UNC80: variants seen among roughly 807,000 people sequenced by gnomAD.
UNC80 encodes protein unc-80 homolog.
A neutral mutation model predicts 384.6 loss-of-function variants in UNC80; 164 were observed. The observed-to-expected ratio is 0.43, with a 90% CI of 0.38 to 0.49. UNC80 has a LOEUF of 0.49. UNC80 is among the 20% of genes least tolerant of loss of function. The probability of loss-of-function intolerance (pLI) is 0.00; values close to 1 mark genes in which losing one functional copy is unlikely to be tolerated. For missense variants in UNC80, 3,330 were observed against 4,143.0 expected, an observed-to-expected ratio of 0.80 and a Z score of 5.39; for synonymous variants, 1,486 against 1,527.8, an observed-to-expected ratio of 0.97 and a Z score of 0.64.
intron 31 of UNC80, among the ~76,000 whole-genome samples, chr2:209,916,388 G>T (rs2089538772): frequency 6.6e-6 from 1 of 152,164 alleles, no homozygotes; most frequent in Non-Finnish European, 1.5e-5. Context: ...ATTAAAAACT[G>T]AAAGGAAACA....
At position 209,904,811 on chromosome 2, in the gene UNC80, T is replaced by G; in HGVS notation, c.4628T>G (p.Val1543Gly). Residue 1543 changes from valine (V) to glycine (G), a missense_variant, in exon 29 of 65, where the codon GTT becomes GGT. Around this residue, in one of 8 missense-constraint regions of UNC80, gnomAD observed 801 missense variants for 950.8 expected, o/e 0.84. Coordinates refer to ENST00000673920, the MANE Select transcript of UNC80 (RefSeq NM_001371986.1). Reference sequence around the variant, plus strand: ...CAGCAGAGTTTCATCTGCACTCACGTTGACTACTGCCATCCCCACTGCTAC... The same window carrying G: ...CAGCAGAGTTTCATCTGCACTCACGGTGACTACTGCCATCCCCACTGCTAC... ...CNQQSFICTH[V>G]DYCHPHCYLH... The G allele has an allele frequency of 6.4e-7, 1 of 1,551,976 alleles. No individual in the cohort carries two copies. The highest frequency in any genetic ancestry group is 8.7e-7 in the Non-Finnish European group (1 of 1,147,062).
intron 43 of UNC80, among the ~76,000 whole-genome samples, 163 bp from the exon 44 acceptor site, chr2:209,941,058 A>G (rs1310926725): frequency 2.0e-5 from 3 of 152,222 alleles, no homozygotes; most frequent in Non-Finnish European, 4.4e-5. Flanking sequence ...GAAGTGCTGT[A>G]TCAAGGCCAG....
At chr2:209,851,406 C>T (rs746101903) in intron 22 of UNC80, among the ~76,000 whole-genome samples, 5 of 151,948 alleles carry the variant, frequency 3.3e-5, no homozygotes, top group Admixed American at 6.6e-5. Flanking sequence ...TGTATATAAT[C>T]GGGGAGGGAG....
At chr2:209,952,419 A>G (rs1023891881) in intron 47 of UNC80, among the ~76,000 whole-genome samples, 8 of 152,246 alleles carry the variant, frequency 5.3e-5, no homozygotes, top group Non-Finnish European at 1.2e-4. Flanking sequence ...TGTTCTATTT[A>G]TTTCACACTG....
At chr2:209,787,192 G>A (rs73074801) in intron 5 of UNC80, among the ~76,000 whole-genome samples, 21,956 of 150,182 alleles carry the variant, frequency 0.15, 2,415 homozygotes, top group African/African-American at 0.31. Context: ...AGAAGAAAAA[G>A]CAATGGCACA....
chr2:209,808,829 A>G, intron 7 of UNC80: 2 of 53,900 alleles, frequency 3.7e-5, no homozygotes, highest in Non-Finnish European at 3.3e-5. Context: ...CTCGTCAGGA[A>G]GCTCCCTGAC....
chr2:209,984,696 C>G (rs2093243850), intron 60 of UNC80, among the ~76,000 whole-genome samples, 160 bp from the exon 61 acceptor site: 1 of 152,192 alleles, frequency 6.6e-6, no homozygotes, highest in Non-Finnish European at 1.5e-5. Context: ...ACAAACCCAG[C>G]ACAAGGTGAA....
chr2:209,805,008 C>T (rs2153826588), intron 7 of UNC80, among the ~76,000 whole-genome samples: 1 of 152,236 alleles, frequency 6.6e-6, no homozygotes, highest in African/African-American at 2.4e-5. Context: ...GAAGCCATTT[C>T]TTAATTTTAG....
At chr2:209,871,730 T>A (rs1197536897) in intron 22 of UNC80, among the ~76,000 whole-genome samples, 1 of 152,074 alleles carries the variant, frequency 6.6e-6, no homozygotes, top group African/African-American at 2.4e-5. Flanking sequence ...TTAACTTTTT[T>A]TAAAAAATCT....
intron 14 of UNC80, among the ~76,000 whole-genome samples, chr2:209,827,896 T>C (rs567637962): frequency 1.3e-5 from 2 of 152,204 alleles, no homozygotes; most frequent in Non-Finnish European, 2.9e-5. Context: ...AGAGTATTAA[T>C]CTAATCATTA....
At position 209,922,411 on chromosome 2, in the gene UNC80, C is replaced by G. The variant is rs1207041702; in HGVS notation, c.5662+28C>G. On this transcript the variant is annotated intron_variant, in intron 35 of 64. Coordinates refer to ENST00000673920, the MANE Select transcript of UNC80 (RefSeq NM_001371986.1). ...GTGTCCTCTTGCATACGTTTTATTT[C>G]TCCTGACTTATGTGTTTTGAAACAC... 5 of 1,547,106 alleles carry G rather than the reference C, an allele frequency of 3.2e-6. No homozygotes were observed. The East Asian group carries it at 9.8e-5, about 30-fold the overall frequency.
At chr2:209,933,260 C>T (rs1159972208) in intron 38 of UNC80, among the ~76,000 whole-genome samples, 1 of 151,906 alleles carries the variant, frequency 6.6e-6, no homozygotes, top group Non-Finnish European at 1.5e-5. Flanking sequence ...CACAGTTTTT[C>T]AAAATTACAT....
chr2:209,887,266 C>T (rs1358844134), intron 25 of UNC80, among the ~76,000 whole-genome samples: 1 of 152,026 alleles, frequency 6.6e-6, no homozygotes, highest in Non-Finnish European at 1.5e-5. Context: ...CTCAAACTGC[C>T]GACTTCAGGT....
At chr2:209,890,243 T>C (rs542458036) in intron 26 of UNC80, among the ~76,000 whole-genome samples, 1 of 152,334 alleles carries the variant, frequency 6.6e-6, no homozygotes, top group South Asian at 2.1e-4. Flanking sequence ...ATCACAATGT[T>C]AGTGATGCAT....
chr2:209,773,556 G>A (rs1223100447), intron 2 of UNC80, among the ~76,000 whole-genome samples: 1 of 152,190 alleles, frequency 6.6e-6, no homozygotes, highest in Non-Finnish European at 1.5e-5. Context: ...GAAGAGCAGA[G>A]GAAACATGTT....
intron 29 of UNC80, among the ~76,000 whole-genome samples, chr2:209,910,530 C>T (rs1389972298): frequency 6.6e-6 from 1 of 152,018 alleles, no homozygotes; most frequent in Non-Finnish European, 1.5e-5. Context: ...TGTCATGAGG[C>T]CACCAGAACA....
intron 25 of UNC80, 57 bp from the exon 26 acceptor site, chr2:209,888,038 G>A: frequency 6.6e-7 from 1 of 1,521,836 alleles, no homozygotes; most frequent in African/African-American, 1.4e-5. Flanking sequence ...CTTGCCGCGA[G>A]ACCAATGCAG....
chr2:209,832,176 AG>A (rs1390239692), intron 16 of UNC80, among the ~76,000 whole-genome samples: 2 of 152,128 alleles, frequency 1.3e-5, no homozygotes, highest in Non-Finnish European at 2.9e-5. Context: ...AAAGGAGTTG[AG>A]GGATAAAAGA....
At chr2:209,929,690 A>G (rs1004064750) in intron 36 of UNC80, among the ~76,000 whole-genome samples, 181 bp from the exon 37 acceptor site, 4 of 152,208 alleles carry the variant, frequency 2.6e-5, no homozygotes, top group Non-Finnish European at 5.9e-5. Context: ...TGTTCTTTAC[A>G]TGTGAAAATG....
Sources: gnomAD v4.1 joint callset for allele counts (sites outside exome capture counted in the v4.1 genomes callset) on GRCh38, gnomAD v4.1.1 for gene constraint, gnomAD v4.1.1 regional missense constraint, MANE v1.5 for transcripts, NCBI Gene and HGNC (gene_info 2026-07-23, HGNC 2026-07-21) for gene names.